The following RAP1GAP2 variants were observed in gnomAD, a reference collection of about 807,000 sequenced individuals.
The protein encoded by RAP1GAP2 is rap1 GTPase-activating protein 2.
In RAP1GAP2, 27 loss-of-function variants were observed where a neutral mutation model predicts 95.0. The ratio of observed to expected loss-of-function variants is 0.28; its 90% CI spans 0.21 to 0.39. The LOEUF is 0.39. RAP1GAP2 is among the 10% of genes least tolerant of loss of function. The pLI is 1.00. For missense variants in RAP1GAP2, 771 were observed against 970.0 expected (o/e 0.79, Z 2.72); for synonymous variants, 373 against 380.9 (o/e 0.98, Z 0.24).
rs2072683312 is a variant in RAP1GAP2, at chr17:2,867,956, A to C, written c.81-37328A>C. Reference sequence around the variant, plus strand: ...CGGGATCCCCAAGCCTTTGGTAGTAAACACACTTCCTGGGCTGTCTTTTCT... The same window carrying C: ...CGGGATCCCCAAGCCTTTGGTAGTACACACACTTCCTGGGCTGTCTTTTCT... On this transcript the variant is annotated intron_variant, in intron 2 of 24. Transcript: ENST00000254695. The surrounding 1 kb of genome is among the most constrained non-coding windows in gnomAD (Gnocchi z 4.5). 6.6e-6 allele frequency among the ~76,000 whole-genome samples: 1 copy of C among 152,082 alleles called. No individual in the cohort carries two copies. Among genetic ancestry groups the C allele is most frequent in the South Asian group, 2.1e-4 (1 of 4,822 alleles).
chr17:2,942,028 G>A (rs1351935469), intron 3 of RAP1GAP2, among the ~76,000 whole-genome samples: 2 of 152,096 alleles, frequency 1.3e-5, no homozygotes, highest in Non-Finnish European at 2.9e-5. Context: ...GGCTTTTGAG[G>A]GAAAGAATGA....
chr17:3,011,438 C>G (rs1300222836), intron 17 of RAP1GAP2, among the ~76,000 whole-genome samples: 1 of 152,158 alleles, frequency 6.6e-6, no homozygotes. Context: ...CTCAGGAAAC[C>G]ATCCCTAGTT....
chr17:2,993,785 A>C (rs2045860398), intron 12 of RAP1GAP2, among the ~76,000 whole-genome samples: 1 of 152,176 alleles, frequency 6.6e-6, no homozygotes, highest in African/African-American at 2.4e-5. Flanking sequence ...CTGTAAGCCC[A>C]GCACTTTGGG....
exon 1 of RAP1GAP2, chr17:2,777,182 T>G (rs1466249038): frequency 6.6e-6 from 1 of 152,226 alleles, no homozygotes; most frequent in African/African-American, 2.4e-5. Context: ...GGCGGGGCGC[T>G]GCACACACGT....
intron 2 of RAP1GAP2, among the ~76,000 whole-genome samples, chr17:2,863,237 T>G (rs2072483194): frequency 6.6e-6 from 1 of 152,164 alleles, no homozygotes; most frequent in Non-Finnish European, 1.5e-5. Flanking sequence ...CCCTTCTCCT[T>G]CCAGGCAGAC....
At chr17:2,773,128 G>T (rs900029403), upstream of RAP1GAP2, among the ~76,000 whole-genome samples, 21 of 152,158 alleles carry the variant, frequency 1.4e-4, no homozygotes, top group Non-Finnish European at 1.6e-4. Flanking sequence ...GTGAGCCACT[G>T]TGCCCAGCCT....
At chr17:2,818,569 C>A (rs1347638812) in intron 2 of RAP1GAP2, among the ~76,000 whole-genome samples, 5 of 152,090 alleles carry the variant, frequency 3.3e-5, no homozygotes, top group Admixed American at 6.6e-5. Flanking sequence ...CTCAAGTGAT[C>A]CACCTGCCTT....
chr17:2,820,267 G>A (rs2070224901), intron 2 of RAP1GAP2, among the ~76,000 whole-genome samples: 1 of 152,088 alleles, frequency 6.6e-6, no homozygotes, highest in African/African-American at 2.4e-5. Flanking sequence ...GGTCATGAGG[G>A]GTACCTAGAG....
intron 2 of RAP1GAP2, among the ~76,000 whole-genome samples, chr17:2,856,814 C>A (rs969333530): frequency 6.6e-6 from 1 of 152,232 alleles, no homozygotes; most frequent in Non-Finnish European, 1.5e-5. Context: ...TGGCTTCATC[C>A]CGTTCTTCTG....
chr17:2,828,098 T>C (rs919038292), intron 2 of RAP1GAP2, among the ~76,000 whole-genome samples: 41 of 152,300 alleles, frequency 2.7e-4, no homozygotes, highest in African/African-American at 9.4e-4. Context: ...CCCAACACTT[T>C]GGGAGGCCAA....
chr17:3,037,383 C>T lies in RAP1GAP2; in HGVS notation c.*4022C>T, dbSNP rs1884524275. 1 of 134,784 alleles carries T rather than the reference C, an allele frequency of 7.4e-6. No homozygotes were observed. The highest frequency in any genetic ancestry group is 3.0e-4 in the South Asian group (1 of 3,366). 8.3% of individuals were successfully genotyped at this position (134,784 alleles called of 1,614,324 possible). A position where few individuals can be genotyped will look rare whatever the true frequency, so the allele number is the denominator to read the frequency against. On this transcript the variant is annotated 3_prime_UTR_variant, in exon 25 of 25. Coordinates refer to ENST00000254695, the MANE Select transcript of RAP1GAP2 (RefSeq NM_015085.5). ...TGAACTACCCCCCCCCCCCCGCTTCCTGCTCCTTAGCATGCGTGCAGCTCT... is the reference window on the plus strand; with the variant it reads ...TGAACTACCCCCCCCCCCCCGCTTCTTGCTCCTTAGCATGCGTGCAGCTCT...
chr17:2,813,137 T>A (rs2069846534), intron 2 of RAP1GAP2, among the ~76,000 whole-genome samples: 1 of 150,630 alleles, frequency 6.6e-6, no homozygotes, highest in African/African-American at 2.4e-5. Context: ...AGTGGTGCAA[T>A]CTTGGCTCAC....
intron 1 of RAP1GAP2, among the ~76,000 whole-genome samples, chr17:2,768,188 A>T (rs1281791164): frequency 6.6e-6 from 1 of 152,316 alleles, no homozygotes; most frequent in East Asian, 1.9e-4. Flanking sequence ...AGAGGGGATT[A>T]TTGGGATAAA....
chr17:2,803,219 A>G (rs1218091540), intron 2 of RAP1GAP2, among the ~76,000 whole-genome samples: 1 of 152,196 alleles, frequency 6.6e-6, no homozygotes, highest in African/African-American at 2.4e-5. Flanking sequence ...GACCCCAGTG[A>G]GGTCTCTGAG....
At chr17:2,761,795 C>T (rs577609563) in intron 1 of RAP1GAP2, among the ~76,000 whole-genome samples, 18 of 152,098 alleles carry the variant, frequency 1.2e-4, no homozygotes, top group Non-Finnish European at 2.5e-4. Flanking sequence ...TGGGAATGTG[C>T]ACCAGCTGTG....
intron 2 of RAP1GAP2, among the ~76,000 whole-genome samples, chr17:2,820,891 G>GTTT (rs1475267891): frequency 2.1e-4 from 24 of 114,000 alleles, no homozygotes; most frequent in Admixed American, 4.1e-4. Context: ...CCCGGATAAT[G>GTTT]GTTTTTTTTT....
At chr17:2,997,015 A>G (rs749182766) in intron 13 of RAP1GAP2, among the ~76,000 whole-genome samples, 9 of 152,014 alleles carry the variant, frequency 5.9e-5, no homozygotes, top group Non-Finnish European at 1.2e-4. Context: ...TCACTCTCTC[A>G]CCCAGGCTGG....
chr17:2,995,220 T>A, intron 12 of RAP1GAP2, 117 bp from the exon 13 acceptor site: 2 of 1,302,912 alleles, frequency 1.5e-6, no homozygotes, highest in South Asian at 1.3e-5. Flanking sequence ...TGCCCTCAGC[T>A]CTCCTGTCTC....
intron 2 of RAP1GAP2, among the ~76,000 whole-genome samples, chr17:2,878,226 T>C (rs2073160079): frequency 6.6e-6 from 1 of 151,974 alleles, no homozygotes; most frequent in East Asian, 1.9e-4. Context: ...AGGAACACAT[T>C]GTGCCTTTAA....
Sources: allele counts gnomAD v4.1 joint callset (sites outside exome capture counted in the v4.1 genomes callset), GRCh38; gene constraint gnomAD v4.1.1; non-coding constraint Gnocchi (gnomAD v3.1); transcripts MANE v1.5; gene names NCBI Gene and HGNC (gene_info 2026-07-23, HGNC 2026-07-21).